MACROD2: variants seen among roughly 807,000 people sequenced by gnomAD.
The protein encoded by MACROD2 is ADP-ribose glycohydrolase MACROD2.
In MACROD2, 36 loss-of-function variants were observed where a neutral mutation model predicts 70.4. That is an observed-to-expected ratio of 0.51 (90% CI 0.39 to 0.68). The LOEUF is 0.68. Ranked by LOEUF, MACROD2 falls within the 30% of genes least tolerant of loss-of-function variation. The pLI is 0.00. For synonymous variants in MACROD2, 172 were observed against 178.8 expected (o/e 0.96, Z 0.30); for missense variants, 496 against 538.4 (o/e 0.92, Z 0.78).
chr20:16,032,949 G>A (rs567616251), intron 15 of MACROD2, among the ~76,000 whole-genome samples: 5 of 152,174 alleles, frequency 3.3e-5, no homozygotes, highest in African/African-American at 1.2e-4. Context: ...CTGAAGAGCA[G>A]CACAATGGGT....
intron 8 of MACROD2, among the ~76,000 whole-genome samples, chr20:15,609,561 A>G (rs376420652): frequency 2.0e-5 from 3 of 152,110 alleles, no homozygotes; most frequent in East Asian, 1.9e-4. Flanking sequence ...AACTGTCCCC[A>G]TGAACATTTG....
intron 3 of MACROD2, among the ~76,000 whole-genome samples, chr20:14,304,134 A>T (rs1017333076): frequency 1.3e-5 from 2 of 152,200 alleles, no homozygotes; most frequent in African/African-American, 4.8e-5. Flanking sequence ...ATGTCATCAT[A>T]CTTTTCAGGT....
intron 5 of MACROD2, among the ~76,000 whole-genome samples, chr20:14,806,171 C>T (rs1041673075): frequency 6.6e-6 from 1 of 151,984 alleles, no homozygotes. Flanking sequence ...CGAAGAGGGC[C>T]GAATAGGATC....
At chr20:15,966,978 G>C (rs2066149825) in intron 12 of MACROD2, among the ~76,000 whole-genome samples, 1 of 152,096 alleles carries the variant, frequency 6.6e-6, no homozygotes, top group African/African-American at 2.4e-5. Flanking sequence ...AACAAAAAAA[G>C]ATAAGTGTAC....
chr20:14,653,186 G>C (rs1230297239), intron 4 of MACROD2, among the ~76,000 whole-genome samples: 2 of 150,774 alleles, frequency 1.3e-5, no homozygotes, highest in African/African-American at 4.9e-5. Flanking sequence ...AAGTAGCTGG[G>C]ACTATAGGCA....
At chr20:14,402,983 G>A (rs952304755) in intron 3 of MACROD2, among the ~76,000 whole-genome samples, 3 of 152,054 alleles carry the variant, frequency 2.0e-5, no homozygotes, top group Non-Finnish European at 2.9e-5. Flanking sequence ...AATATCTCGT[G>A]TATAAACACT....
chr20:15,984,126 T>G (rs1266108619), intron 13 of MACROD2, among the ~76,000 whole-genome samples: 1 of 86,676 alleles, frequency 1.2e-5, no homozygotes, highest in Non-Finnish European at 3.0e-5. Flanking sequence ...TTTTTTTAAC[T>G]TTTTATAATT....
intron 4 of MACROD2, among the ~76,000 whole-genome samples, chr20:14,606,721 G>C (rs372716837): frequency 2.0e-5 from 3 of 152,028 alleles, no homozygotes; most frequent in Admixed American, 2.0e-4. Flanking sequence ...AAATTTTTTT[G>C]TGTGTGTGAT....
intron 6 of MACROD2, among the ~76,000 whole-genome samples, chr20:15,245,949 A>AT: frequency 6.6e-6 from 1 of 152,198 alleles, no homozygotes; most frequent in Admixed American, 6.5e-5. Context: ...ATTAAGAAGC[A>AT]TTTTTAGGAA....
intron 2 of MACROD2, among the ~76,000 whole-genome samples, chr20:14,061,834 A>T (rs2053694338): frequency 6.6e-6 from 1 of 152,106 alleles, no homozygotes; most frequent in African/African-American, 2.4e-5. Context: ...ATAGTTTACA[A>T]AAGTCTGTTG....
chr20:15,901,912 G>C (rs574908121), intron 10 of MACROD2, among the ~76,000 whole-genome samples: 2 of 152,224 alleles, frequency 1.3e-5, no homozygotes, highest in East Asian at 3.9e-4. Flanking sequence ...AAGATTCTGG[G>C]ACCAAGAATC....
chr20:15,574,330 C>A (rs1378719424), intron 8 of MACROD2, among the ~76,000 whole-genome samples: 3 of 152,090 alleles, frequency 2.0e-5, no homozygotes, highest in Non-Finnish European at 2.9e-5. Flanking sequence ...ACTCTGAAAT[C>A]ATCTAGAGTT....
chr20:14,984,724 C>T (rs764972094), intron 5 of MACROD2, among the ~76,000 whole-genome samples: 31 of 152,094 alleles, frequency 2.0e-4, no homozygotes, highest in Non-Finnish European at 4.0e-4. Context: ...GAGAATAACA[C>T]ATCAAGAAAA....
intron 10 of MACROD2, among the ~76,000 whole-genome samples, chr20:15,913,326 G>C (rs1205170009): frequency 2.0e-5 from 3 of 152,034 alleles, no homozygotes; most frequent in Non-Finnish European, 2.9e-5. Flanking sequence ...AGTTTTGCTA[G>C]TTTCCCAGAA....
intron 8 of MACROD2, among the ~76,000 whole-genome samples, chr20:15,626,559 G>T (rs901793873): frequency 1.3e-5 from 2 of 152,152 alleles, no homozygotes; most frequent in African/African-American, 4.8e-5. Context: ...TGGAGATTTA[G>T]AAAACTGCAA....
chr20:15,854,349 C>G (rs919078163), intron 8 of MACROD2, among the ~76,000 whole-genome samples: 1 of 152,014 alleles, frequency 6.6e-6, no homozygotes, highest in African/African-American at 2.4e-5. Context: ...TGCAGGTGGC[C>G]TCTAGAAGAT....
rs573479340 is a variant in MACROD2 at position 15,922,295 on chromosome 20, ACATTTTTCAGAAGC to A, written c.776-10978_776-10965del. On this transcript the variant is annotated intron_variant, in intron 10 of 17. Transcript: ENST00000684519. ...GAGTTACAAATGCATATGTTGTTTT[ACATTTTTCAGAAGC>A]CACATTTATAAAAAAGGTGATATTA... Among the ~76,000 whole-genome samples, 571 of 152,356 alleles carry A rather than the reference ACATTTTTCAGAAGC, an allele frequency of 3.7e-3. 2 individuals are homozygous for A. Among genetic ancestry groups the A allele is most frequent in the Admixed American group, 4.8e-3 (74 of 15,306 alleles).
chr20:15,147,702 C>T (rs917121980), intron 5 of MACROD2, among the ~76,000 whole-genome samples: 4 of 152,106 alleles, frequency 2.6e-5, no homozygotes, highest in Non-Finnish European at 5.9e-5. Context: ...CTTTCATGTG[C>T]GTCCGTGTGA....
chr20:15,388,186 GA>G (rs958877923), intron 6 of MACROD2, among the ~76,000 whole-genome samples: 2 of 152,068 alleles, frequency 1.3e-5, no homozygotes, highest in African/African-American at 4.8e-5. Flanking sequence ...AGGGGAGGCT[GA>G]AAAGGGAGAG....
Sources: allele counts gnomAD v4.1 joint callset (sites outside exome capture counted in the v4.1 genomes callset), GRCh38; gene constraint gnomAD v4.1.1; transcripts MANE v1.5; gene names NCBI Gene and HGNC (gene_info 2026-07-23, HGNC 2026-07-21).